The following PLXNA2 variants were observed in gnomAD, a reference collection of about 807,000 sequenced individuals.
PLXNA2 encodes the protein plexin-A2.
PLXNA2 carries 91 observed loss-of-function variants against 193.5 expected under a neutral mutation model. That is an observed-to-expected ratio of 0.47 (90% CI 0.40 to 0.56). PLXNA2 has a LOEUF of 0.56. Ranked by LOEUF, PLXNA2 falls within the 20% of genes least tolerant of loss-of-function variation. PLXNA2 has a pLI of 0.00. For synonymous variants in PLXNA2, 997 were observed against 1,027.3 expected, an observed-to-expected ratio of 0.97 and a Z score of 0.56; for missense variants, 1,995 against 2,503.2, an observed-to-expected ratio of 0.80 and a Z score of 4.33.
chr1:208,190,913 T>C (rs2102563977), intron 3 of PLXNA2, among the ~76,000 whole-genome samples: 1 of 152,346 alleles, frequency 6.6e-6, no homozygotes, highest in South Asian at 2.1e-4. Context: ...GAGTACAGTC[T>C]ACTCAGTCCT....
At chr1:208,218,420 G>A (rs1671215288) in intron 1 of PLXNA2, among the ~76,000 whole-genome samples, 2 of 152,108 alleles carry the variant, frequency 1.3e-5, no homozygotes, top group Non-Finnish European at 1.5e-5. Flanking sequence ...TTGAAAGCTT[G>A]TTAGGCAGGC....
chr1:208,066,180 A>C (rs1205082888), intron 12 of PLXNA2, among the ~76,000 whole-genome samples: 4 of 152,174 alleles, frequency 2.6e-5, no homozygotes, highest in Non-Finnish European at 5.9e-5. Context: ...TATACTGTGG[A>C]CTAGAAGTCT....
intron 8 of PLXNA2, among the ~76,000 whole-genome samples, chr1:208,093,422 G>C (rs1666776530): frequency 6.6e-6 from 1 of 152,202 alleles, no homozygotes; most frequent in African/African-American, 2.4e-5. Context: ...CACTGAGTAA[G>C]TCACTTCACC....
chr1:208,198,000 C>A (rs1670412944), intron 3 of PLXNA2, among the ~76,000 whole-genome samples: 3 of 152,174 alleles, frequency 2.0e-5, no homozygotes, highest in South Asian at 4.1e-4. Flanking sequence ...TCCAAGGATG[C>A]CATTTTCTAT....
intron 29 of PLXNA2, chr1:208,029,507 TC>T: frequency 7.0e-6 from 7 of 998,068 alleles, no homozygotes; most frequent in Non-Finnish European, 8.4e-6. Flanking sequence ...CCACCTGCGC[TC>T]CCCGCCCAGC....
At chr1:208,168,883 C>T (rs950494295) in intron 3 of PLXNA2, among the ~76,000 whole-genome samples, 4 of 151,922 alleles carry the variant, frequency 2.6e-5, no homozygotes, top group Admixed American at 2.6e-4. Context: ...CAGGACTTCT[C>T]AGCAGGCACA....
At chr1:208,219,701 C>A (rs900674616) in intron 1 of PLXNA2, among the ~76,000 whole-genome samples, 2 of 152,206 alleles carry the variant, frequency 1.3e-5, no homozygotes, top group East Asian at 3.9e-4. Context: ...TGGCAGCCAC[C>A]GTGGTGCCAC....
intron 5 of PLXNA2, 78 bp from the exon 6 acceptor site, chr1:208,099,047 G>A (rs1667009722): frequency 1.3e-6 from 2 of 1,552,020 alleles, no homozygotes; most frequent in African/African-American, 2.7e-5. Flanking sequence ...TGGGCAGGAT[G>A]GGAGTTTGCT....
At chr1:208,154,241 A>G (rs1206908655) in intron 3 of PLXNA2, among the ~76,000 whole-genome samples, 2 of 71,750 alleles carry the variant, frequency 2.8e-5, no homozygotes, top group East Asian at 4.7e-4. Flanking sequence ...GGTGCTGGGT[A>G]CAGTACAGCA....
chr1:208,079,562 AC>A, intron 11 of PLXNA2, 112 bp from the exon 12 acceptor site: 1 of 734,496 alleles, frequency 1.4e-6, no homozygotes, highest in Non-Finnish European at 2.2e-6. Flanking sequence ...CATGGATAAC[AC>A]CACCAATCAT....
chr1:208,243,128 C>T (rs894879828), intron 1 of PLXNA2, among the ~76,000 whole-genome samples: 1 of 152,170 alleles, frequency 6.6e-6, no homozygotes. Flanking sequence ...TTTCCCATTC[C>T]CCTGATCTCC....
chr1:208,098,458 T>TCTCTCTCTCTCACA (rs368366958), intron 6 of PLXNA2, among the ~76,000 whole-genome samples: 2 of 123,428 alleles, frequency 1.6e-5, no homozygotes, highest in Non-Finnish European at 3.3e-5. Context: ...TCTCTCTCTC[T>TCTCTCTCTCTCACA]CACACACACA....
intron 12 of PLXNA2, among the ~76,000 whole-genome samples, chr1:208,071,904 G>T (rs573100644): frequency 6.2e-4 from 95 of 152,344 alleles, no homozygotes; most frequent in African/African-American, 2.1e-3. Context: ...TTCCTGCAGA[G>T]ATTTGGTGCA....
chr1:208,148,488 T>C (rs1418917647), intron 3 of PLXNA2, among the ~76,000 whole-genome samples: 2 of 152,210 alleles, frequency 1.3e-5, no homozygotes, highest in Non-Finnish European at 2.9e-5. Context: ...TAATAGTTTC[T>C]GTAGCTGTCC....
chr1:208,078,513 G>C (rs1350204709), intron 12 of PLXNA2, among the ~76,000 whole-genome samples: 1 of 152,098 alleles, frequency 6.6e-6, no homozygotes, highest in Non-Finnish European at 1.5e-5. Flanking sequence ...ACCTGCCTGG[G>C]CCTTTATTCC....
rs139928209 is a variant in PLXNA2, at chr1:208,219,868, G to A, written c.-80-1866C>T. On this transcript the variant is annotated intron_variant, in intron 1 of 31. Transcript: ENST00000367033. Reference sequence around the variant, plus strand: ...CGACACAGCCCTTCCGGCCCCAGGCGCACACCGGCAAAGCCTCCCAACAGA... The same window carrying A: ...CGACACAGCCCTTCCGGCCCCAGGCACACACCGGCAAAGCCTCCCAACAGA... Among the ~76,000 whole-genome samples the A allele has an allele frequency of 5.4e-3, 822 of 152,318 alleles. 8 individuals are homozygous for A. The highest frequency in any genetic ancestry group is 0.018 in the African/African-American group (767 of 41,570).
chr1:208,096,171 G>A, intron 7 of PLXNA2, 46 bp from the exon 8 acceptor site: 1 of 1,368,118 alleles, frequency 7.3e-7, no homozygotes. Flanking sequence ...ACAACGTGGG[G>A]GACCCAGTGG....
At chr1:208,101,980 C>T (rs953063435) in intron 5 of PLXNA2, among the ~76,000 whole-genome samples, 3 of 152,194 alleles carry the variant, frequency 2.0e-5, no homozygotes, top group Non-Finnish European at 4.4e-5. Flanking sequence ...CAAGATTTAC[C>T]CCCTTTTGCC....
intron 1 of PLXNA2, among the ~76,000 whole-genome samples, chr1:208,221,326 G>GT (rs1026287630): frequency 4.7e-5 from 7 of 148,240 alleles, no homozygotes; most frequent in Middle Eastern, 3.5e-3. Context: ...AGCAGCTGAG[G>GT]TTTTTTGCTC....
Sources: gnomAD v4.1 joint callset for allele counts (sites outside exome capture counted in the v4.1 genomes callset) on GRCh38, gnomAD v4.1.1 for gene constraint, MANE v1.5 for transcripts, NCBI Gene and HGNC (gene_info 2026-07-23, HGNC 2026-07-21) for gene names.